The following ERBB4 variants were observed in gnomAD, a reference collection of about 807,000 sequenced individuals.
ERBB4 encodes the protein erb-b2 receptor tyrosine kinase 4.
In ERBB4, 42 loss-of-function variants were observed where a neutral mutation model predicts 158.0. The observed-to-expected ratio is 0.27, with a 90% CI of 0.21 to 0.34. The LOEUF is 0.34. Among genes scored for constraint, ERBB4 ranks in the 10% least tolerant of loss-of-function variants. ERBB4 has a pLI of 1.00. For missense variants in ERBB4, 1,333 were observed against 1,624.1 expected (o/e 0.82, Z 3.08); for synonymous variants, 583 against 558.7 (o/e 1.04, Z -0.61).
At chr2:211,865,707 T>C (rs994530166) in intron 3 of ERBB4, among the ~76,000 whole-genome samples, 1 of 152,174 alleles carries the variant, frequency 6.6e-6, no homozygotes, top group African/African-American at 2.4e-5. Context: ...TTTTCCCATA[T>C]TAATTAATAG....
intron 12 of ERBB4, among the ~76,000 whole-genome samples, chr2:211,682,087 C>T (rs927827606): frequency 6.9e-6 from 1 of 144,434 alleles, no homozygotes; most frequent in East Asian, 2.3e-4. Context: ...CACACACACA[C>T]ACACAATTGG....
At chr2:211,481,359 A>G (rs1447014242) in intron 20 of ERBB4, among the ~76,000 whole-genome samples, 2 of 152,288 alleles carry the variant, frequency 1.3e-5, no homozygotes, top group East Asian at 3.9e-4. Context: ...AGACTTTCAT[A>G]TATTCTTATG....
intron 16 of ERBB4, among the ~76,000 whole-genome samples, chr2:211,633,042 A>C (rs2070205984): frequency 6.6e-6 from 1 of 152,142 alleles, no homozygotes. Context: ...ACAAGCAACC[A>C]GTAAAATCAA....
In ERBB4 at chr2:211,947,280, G is replaced by T. The variant is rs1053836331; in HGVS notation, c.421+150C>A. The T allele has an allele frequency of 1.2e-5, 8 of 684,476 alleles. No individual in the cohort carries two copies. The Admixed American group carries it at 1.7e-4, about 15-fold the overall frequency. 42.4% of individuals were successfully genotyped at this position (684,476 alleles called of 1,614,324 possible). Reference sequence around the variant, plus strand: ...TATAAAGAAAAGCAAGGGCATCACAGGGCATCATTGCTTATAAAACAAATA... The same window carrying T: ...TATAAAGAAAAGCAAGGGCATCACATGGCATCATTGCTTATAAAACAAATA... On this transcript the variant is annotated intron_variant, in intron 3 of 27. Coordinates refer to ENST00000342788, the MANE Select transcript of ERBB4 (RefSeq NM_005235.3).
chr2:211,889,234 C>T (rs1402364800), intron 3 of ERBB4, among the ~76,000 whole-genome samples: 2 of 144,744 alleles, frequency 1.4e-5, no homozygotes, highest in Admixed American at 6.7e-5. Flanking sequence ...CAAGTGGGTC[C>T]CTGACCCCTG....
intron 1 of ERBB4, among the ~76,000 whole-genome samples, chr2:212,350,547 A>G (rs932609545): frequency 2.6e-5 from 4 of 152,194 alleles, no homozygotes; most frequent in African/African-American, 9.6e-5. Flanking sequence ...CTCAAAAGTA[A>G]TAAGACAAAG....
chr2:212,048,369 G>T (rs1241222227), intron 2 of ERBB4, among the ~76,000 whole-genome samples: 1 of 152,180 alleles, frequency 6.6e-6, no homozygotes, highest in Admixed American at 6.5e-5. Flanking sequence ...AATTGCAGGG[G>T]ACACAGCTGG....
chr2:211,406,988 G>A (rs886455444), intron 25 of ERBB4, among the ~76,000 whole-genome samples: 1 of 152,120 alleles, frequency 6.6e-6, no homozygotes, highest in African/African-American at 2.4e-5. Flanking sequence ...GCTGAGGTAA[G>A]AGGATTGCTT....
At chr2:212,435,318 C>A (rs1247116908) in intron 1 of ERBB4, among the ~76,000 whole-genome samples, 1 of 151,916 alleles carries the variant, frequency 6.6e-6, no homozygotes, top group Non-Finnish European at 1.5e-5. Flanking sequence ...GGAATATCAA[C>A]GGAGTTGTTG....
intron 19 of ERBB4, among the ~76,000 whole-genome samples, chr2:211,607,031 T>G (rs9288436): frequency 0.77 from 116,853 of 152,048 alleles, 47,757 homozygotes; most frequent in Non-Finnish European, 0.9. Flanking sequence ...GTACGCATTA[T>G]ACTAGACATA....
At chr2:211,989,956 A>G (rs1368372764) in intron 2 of ERBB4, among the ~76,000 whole-genome samples, 1 of 151,946 alleles carries the variant, frequency 6.6e-6, no homozygotes, top group African/African-American at 2.4e-5. Context: ...TTCACTACCA[A>G]ATTTATAATA....
intron 2 of ERBB4, among the ~76,000 whole-genome samples, chr2:211,972,982 C>T (rs1471312981): frequency 6.6e-6 from 1 of 151,148 alleles, no homozygotes; most frequent in Non-Finnish European, 1.5e-5. Context: ...ATGGGAGAAA[C>T]AACCTAAAAA....
At chr2:212,242,582 A>G (rs111521914) in intron 1 of ERBB4, among the ~76,000 whole-genome samples, 2,427 of 152,272 alleles carry the variant, frequency 0.016, 24 homozygotes, top group Middle Eastern at 0.024. Context: ...GCAGGGAAAA[A>G]TAAGTGAAAG....
At chr2:212,082,016 A>G (rs2078460338) in intron 2 of ERBB4, among the ~76,000 whole-genome samples, 1 of 152,108 alleles carries the variant, frequency 6.6e-6, no homozygotes, top group Admixed American at 6.6e-5. Flanking sequence ...CGGAACAATT[A>G]TAATACTAAA....
chr2:212,222,999 G>T (rs2083347823), intron 1 of ERBB4, among the ~76,000 whole-genome samples: 1 of 151,348 alleles, frequency 6.6e-6, no homozygotes, highest in Admixed American at 6.6e-5. Context: ...CCTCTTATAT[G>T]CTTCTCTCTA....
chr2:211,943,501 A>T (rs2080564076), intron 3 of ERBB4, among the ~76,000 whole-genome samples: 1 of 151,996 alleles, frequency 6.6e-6, no homozygotes, highest in Non-Finnish European at 1.5e-5. Context: ...CAAGATAGAG[A>T]TGATTATATG....
At chr2:212,190,197 G>A (rs920646069) in intron 1 of ERBB4, among the ~76,000 whole-genome samples, 1 of 152,118 alleles carries the variant, frequency 6.6e-6, no homozygotes, top group Admixed American at 6.5e-5. Context: ...TATCACTAGA[G>A]AGTTCTTTAG....
Position 212,321,429 on chromosome 2 carries a change from C to T in ERBB4, c.83-196526G>A. 1.3e-5 allele frequency among the ~76,000 whole-genome samples: 2 copies of T among 150,410 alleles called. 1 individual carries two copies. The highest frequency in any genetic ancestry group is 3.0e-5 in the Non-Finnish European group (2 of 67,102). On this transcript the variant is annotated intron_variant, in intron 1 of 27. Transcript: ENST00000342788. ...TATGGCAGAATTAAAAATAAAACAACAGACTGGGCATAGTGCGTCATGCCT... is the reference window on the plus strand; with the variant it reads ...TATGGCAGAATTAAAAATAAAACAATAGACTGGGCATAGTGCGTCATGCCT...
intron 1 of ERBB4, among the ~76,000 whole-genome samples, chr2:212,232,814 G>A (rs1366352513): frequency 6.6e-6 from 1 of 152,114 alleles, no homozygotes; most frequent in Non-Finnish European, 1.5e-5. Flanking sequence ...GCCTCCCTTT[G>A]GGAATTGTCC....
Sources: gnomAD v4.1 joint callset for allele counts (sites outside exome capture counted in the v4.1 genomes callset) on GRCh38, gnomAD v4.1.1 for gene constraint, MANE v1.5 for transcripts, NCBI Gene and HGNC (gene_info 2026-07-23, HGNC 2026-07-21) for gene names.